PKD1L3: variants seen among roughly 807,000 people sequenced by gnomAD.
PKD1L3 encodes the protein polycystin 1 like 3, transient receptor potential channel interacting, also known as polycystin-1-like protein 3.
A neutral mutation model predicts 184.1 loss-of-function variants in PKD1L3; 239 were observed. That is an observed-to-expected ratio of 1.30 (90% CI 1.17 to 1.45). The LOEUF (loss-of-function observed/expected upper bound fraction) is 1.45. Ranked by LOEUF, PKD1L3 falls within the 40% of genes most tolerant of loss-of-function variation. The pLI is 0.00. For synonymous variants in PKD1L3, 996 were observed against 778.8 expected, an observed-to-expected ratio of 1.28 and a Z score of -4.64; for missense variants, 2,660 against 2,067.2, an observed-to-expected ratio of 1.29 and a Z score of -5.56.
At chr16:71,987,239 G>A (rs1240702973) in intron 4 of PKD1L3, among the ~76,000 whole-genome samples, 2 of 151,184 alleles carry the variant, frequency 1.3e-5, no homozygotes, top group Non-Finnish European at 2.9e-5. Context: ...AGGATTTCTT[G>A]AGACTGGTTG....
intron 28 of PKD1L3, among the ~76,000 whole-genome samples, chr16:71,932,350 C>T (rs1386060495): frequency 6.6e-6 from 1 of 152,184 alleles, no homozygotes; most frequent in Non-Finnish European, 1.5e-5. Flanking sequence ...AGGAGGAAGG[C>T]AGGGATTTCT....
rs907682263 is a variant in PKD1L3 at position 71,970,016 on chromosome 16, G to C, written c.2043C>G (p.Thr681=). The C allele has an allele frequency of 2.6e-6, 4 of 1,551,644 alleles. No individual in the cohort carries two copies. Among genetic ancestry groups the C allele is most frequent in the African/African-American group, 1.4e-5 (1 of 73,136 alleles). Residue 681 remains threonine, a synonymous_variant, in exon 13 of 30, where the codon ACC becomes ACG. Coordinates refer to ENST00000620267, the MANE Select transcript of PKD1L3 (RefSeq NM_181536.2). The part of the protein sequence containing the change: ...FASDFFVVPR[T]VNVEDTIKLF... ...GTTTGATCGTGTCTTCAACATTCAC[G>C]GTCCTGGGCACGACAAAGAAGTCGC...
intron 10 of PKD1L3, 92 bp downstream of exon 10, chr16:71,978,163 T>C: frequency 7.3e-7 from 1 of 1,378,912 alleles, no homozygotes; most frequent in Non-Finnish European, 9.9e-7. Flanking sequence ...GCCATCAATC[T>C]AACATAATTC....
intron 16 of PKD1L3, among the ~76,000 whole-genome samples, chr16:71,961,628 C>G (rs1241982405): frequency 6.6e-6 from 1 of 152,032 alleles, no homozygotes; most frequent in Non-Finnish European, 1.5e-5. Flanking sequence ...CCCCTGCTGA[C>G]CTTGTGAGCG....
At chr16:71,952,007 T>C (rs1168288044) in intron 18 of PKD1L3, among the ~76,000 whole-genome samples, 1 of 151,592 alleles carries the variant, frequency 6.6e-6, no homozygotes, top group Non-Finnish European at 1.5e-5. Context: ...AAGGCCAGAG[T>C]GGTACCATGC....
chr16:71,936,090 C>G (rs187577272), intron 25 of PKD1L3, among the ~76,000 whole-genome samples: 48 of 151,820 alleles, frequency 3.2e-4, no homozygotes, highest in Admixed American at 5.9e-4. Context: ...GCCACCATGC[C>G]CAGCAAAAAT....
intron 3 of PKD1L3, among the ~76,000 whole-genome samples, chr16:71,992,804 G>C (rs999222153): frequency 6.6e-6 from 1 of 152,098 alleles, no homozygotes; most frequent in Non-Finnish European, 1.5e-5. Context: ...CTTTCTTTCA[G>C]TTGATCTCTA....
intron 11 of PKD1L3, among the ~76,000 whole-genome samples, chr16:71,975,792 C>T (rs1210505865): frequency 6.6e-6 from 1 of 152,144 alleles, no homozygotes; most frequent in Middle Eastern, 3.2e-3. Context: ...TAAAATCACA[C>T]AGGACTCAAT....
chr16:71,933,425 CTT>C lies in PKD1L3; in HGVS notation c.4919_4920del (p.Gln1640ArgfsTer28). The C allele has an allele frequency of 6.5e-7, 1 of 1,540,754 alleles. No individual in the cohort carries two copies. Among genetic ancestry groups the C allele is most frequent in the East Asian group, 2.4e-5 (1 of 40,860 alleles). On this transcript the variant is annotated frameshift_variant, in exon 28 of 30. Transcript: ENST00000620267. LOFTEE classifies it high-confidence loss of function. The part of the protein sequence containing the change: ...VVGLLMGISH[Q>X]EEVFALDPVL... ...AAACAAATTATTATTTTTACCTCCT[CTT>C]GGTGAGAAATTCCCATCAGGAGACC...
intron 1 of PKD1L3, among the ~76,000 whole-genome samples, chr16:71,999,188 G>A (rs1314319362): frequency 6.6e-6 from 1 of 151,306 alleles, no homozygotes; most frequent in East Asian, 2.0e-4. Flanking sequence ...GGAGAATGGC[G>A]TGAACCCGGG....
chr16:71,990,431 T>C, intron 3 of PKD1L3, 102 bp from the exon 4 acceptor site: 1 of 1,032,832 alleles, frequency 9.7e-7, no homozygotes, highest in South Asian at 1.5e-5. Flanking sequence ...TAATGCAAAT[T>C]GTTTTACATA....
rs369321261 is a variant in PKD1L3, at chr16:71,930,145, G to C, written c.4965C>G (p.Ile1655Met). Residue 1655 changes from isoleucine to methionine, a missense_variant, in exon 29 of 30, where the codon ATC becomes ATG. Transcript: ENST00000620267. ...ALDPVLGTFL[I>M]LTSVILMVLV... Reference sequence around the variant, plus strand: ...GTACCATCAAGATGACACTGGTGAGGATCAGAAAGGTGCCCAGGACTGGGT... The same window carrying C: ...GTACCATCAAGATGACACTGGTGAGCATCAGAAAGGTGCCCAGGACTGGGT... 6.4e-7 allele frequency: 1 copy of C among 1,551,492 alleles called. No individual in the cohort carries two copies. Among genetic ancestry groups the C allele is most frequent in the Admixed American group, 2.0e-5 (1 of 50,952 alleles).
rs1232405842 is a variant in PKD1L3 at position 71,933,899 on chromosome 16, C to T, written c.4824+16G>A. 11 of 1,548,466 alleles carry T rather than the reference C, an allele frequency of 7.1e-6. No individual in the cohort carries two copies. The Admixed American group carries it at 1.8e-4, about 25-fold the overall frequency. The stretch of plus-strand genomic sequence containing the variant: ...ACAGCACACGGAGAAGGAGAGACAG[C>T]AACGTGGGGGCTTACGGCAATGGCA... On this transcript the variant is annotated intron_variant, in intron 27 of 29. Transcript: ENST00000620267.
At chr16:71,994,204 G>A (rs989374914) in intron 2 of PKD1L3, among the ~76,000 whole-genome samples, 1 of 152,062 alleles carries the variant, frequency 6.6e-6, no homozygotes, top group African/African-American at 2.4e-5. Flanking sequence ...CGTGAAGCTC[G>A]AGCAGCCTGC....
chr16:71,963,129 A>T lies in PKD1L3; in HGVS notation c.2612+76T>A, dbSNP rs2039345348. ...TTAATAAAATGTTAATTTGCATTAA[A>T]AACAATTCAATCGTGAACAATTCAA... On this transcript the variant is annotated intron_variant, in intron 16 of 29. Transcript: ENST00000620267. 2.2e-6 allele frequency: 3 copies of T among 1,358,984 alleles called. No individual in the cohort carries two copies. In the South Asian group the frequency reaches 4.9e-5, roughly 22 times the overall value. The allele number at this position is 1,358,984 out of a possible 1,614,324, so 84.2% of individuals were successfully genotyped here. A position where few individuals can be genotyped will look rare whatever the true frequency, so the allele number is the denominator to read the frequency against.
chr16:71,975,844 G>A (rs373995551), intron 11 of PKD1L3, among the ~76,000 whole-genome samples: 3 of 152,130 alleles, frequency 2.0e-5, no homozygotes, highest in Non-Finnish European at 2.9e-5. Context: ...TGGTGAAATC[G>A]GAATAAAATC....
chr16:71,986,597 A>C (rs953541742), intron 4 of PKD1L3, 128 bp from the exon 5 acceptor site: 12 of 1,102,956 alleles, frequency 1.1e-5, no homozygotes, highest in Non-Finnish European at 1.5e-5. Context: ...CTGTTAAAAA[A>C]AATTCTGTGC....
intron 16 of PKD1L3, among the ~76,000 whole-genome samples, chr16:71,959,742 G>A (rs1190311524): frequency 1.3e-5 from 2 of 152,006 alleles, no homozygotes; most frequent in African/African-American, 4.8e-5. Flanking sequence ...AGGAAGAAGA[G>A]GAACAGAAGC....
intron 6 of PKD1L3, among the ~76,000 whole-genome samples, chr16:71,982,979 A>C (rs2040218377): frequency 6.6e-6 from 1 of 152,188 alleles, no homozygotes; most frequent in South Asian, 2.1e-4. Flanking sequence ...AAAAAGTTAC[A>C]ATTTGACAGG....
Sources: allele counts gnomAD v4.1 joint callset (sites outside exome capture counted in the v4.1 genomes callset), GRCh38; gene constraint gnomAD v4.1.1; transcripts MANE v1.5; gene names NCBI Gene and HGNC (gene_info 2026-07-23, HGNC 2026-07-21).